CRIP2: variants seen among roughly 807,000 people sequenced by gnomAD.
CRIP2 encodes the protein cysteine rich protein 2.
In CRIP2, 31 loss-of-function variants were observed where a neutral mutation model predicts 31.3. The observed-to-expected ratio is 0.99, with a 90% CI of 0.74 to 1.34. CRIP2 has a LOEUF of 1.34. Among genes scored for constraint, CRIP2 ranks in the 40% most tolerant of loss-of-function variants. CRIP2 has a pLI of 0.00. For missense variants in CRIP2, 389 were observed against 301.6 expected, an observed-to-expected ratio of 1.29 and a Z score of -2.15; for synonymous variants, 177 against 127.2, an observed-to-expected ratio of 1.39 and a Z score of -2.63.
In CRIP2 at chr14:105,478,641, C is replaced by A; in HGVS notation, c.197-90C>A. The A allele has an allele frequency of 1.4e-6, 2 of 1,475,650 alleles. No homozygotes were observed. The highest frequency in any genetic ancestry group is 1.8e-6 in the Non-Finnish European group (2 of 1,109,642). 91.4% of individuals were successfully genotyped at this position (1,475,650 alleles called of 1,614,324 possible). On this transcript the variant is annotated intron_variant, in intron 3 of 7. Coordinates refer to ENST00000329146, the MANE Select transcript of CRIP2 (RefSeq NM_001312.4). The surrounding 1 kb of genome is among the most constrained non-coding windows in gnomAD (Gnocchi z 4.9). ...CCTGCCACCCTGGAAAGCCTAGTGCCCCCCAGTCCCCAGCGGGCCGTTTTC... is the reference window on the plus strand; with the variant it reads ...CCTGCCACCCTGGAAAGCCTAGTGCACCCCAGTCCCCAGCGGGCCGTTTTC...
intron 1 of CRIP2, chr14:105,476,217 C>T (rs1029478709): frequency 1.0e-6 from 1 of 985,510 alleles, no homozygotes; most frequent in Non-Finnish European, 1.2e-6. Context: ...GCCAGGCCAG[C>T]CTGGGGCTCT....
At chr14:105,477,334 C>T in intron 1 of CRIP2, 2 of 985,534 alleles carry the variant, frequency 2.0e-6, no homozygotes, top group African/African-American at 1.7e-5. Context: ...ATGCCAGTGG[C>T]AGCCAGGGGC....
At chr14:105,479,312 G>A in intron 6 of CRIP2, 93 bp downstream of exon 6, 1 of 1,522,164 alleles carries the variant, frequency 6.6e-7, no homozygotes, top group Non-Finnish European at 8.9e-7. Flanking sequence ...ATGGGGGGTG[G>A]TGCTTCTGGG....
At chr14:105,473,759 G>A (rs1555435216), upstream of CRIP2, among the ~76,000 whole-genome samples, 1 of 152,174 alleles carries the variant, frequency 6.6e-6, no homozygotes, top group Non-Finnish European at 1.5e-5. Context: ...ACTGTGGTGA[G>A]GCGTGGTCAG....
chr14:105,475,997 ATT>A, intron 1 of CRIP2: 1 of 985,320 alleles, frequency 1.0e-6, no homozygotes. Context: ...GGGAGGTTGT[ATT>A]TTGCCCGTCC....
At position 105,478,446 on chromosome 14, in the gene CRIP2, G is replaced by A. The variant is rs782075822; in HGVS notation, c.139-4G>A. ...AGGGTCCTGACCCGCGCCCCTCTGC[G>A]CAGCATGACGGGAAGCCGTTCTGCC... is the stretch of plus-strand genomic sequence containing the variant. On this transcript the variant is annotated splice_polypyrimidine_tract_variant and splice_region_variant and intron_variant, in intron 2 of 7. Coordinates refer to ENST00000329146, the MANE Select transcript of CRIP2 (RefSeq NM_001312.4). The surrounding 1 kb of genome is among the most constrained non-coding windows in gnomAD (Gnocchi z 4.9). The A allele has an allele frequency of 6.2e-7, 1 of 1,603,608 alleles. No homozygotes were observed. The highest frequency in any genetic ancestry group is 8.5e-7 in the Non-Finnish European group (1 of 1,178,178).
At position 105,479,574 on chromosome 14, in the gene CRIP2, C is replaced by T. The variant is rs1373481092; in HGVS notation, c.560-12C>T. The stretch of plus-strand genomic sequence containing the variant: ...TGTTCCCCCGACCCACCCCAGCGGC[C>T]TCCCTCCACAGGAGTGAACACCGGT... On this transcript the variant is annotated splice_polypyrimidine_tract_variant and intron_variant, in intron 7 of 7. Transcript: ENST00000329146. 2.5e-6 allele frequency: 4 copies of T among 1,612,710 alleles called. No individual in the cohort carries two copies. In the African/African-American group the frequency reaches 4.0e-5, roughly 16 times the overall value.
chr14:105,476,065 G>A, intron 1 of CRIP2: 2 of 985,634 alleles, frequency 2.0e-6, no homozygotes, highest in Non-Finnish European at 2.4e-6. Context: ...TGGGAGCCGA[G>A]GGGCTTCCGG....
At chr14:105,477,438 T>A (rs1555436032) in intron 1 of CRIP2, 1 of 985,054 alleles carries the variant, frequency 1.0e-6, no homozygotes, top group African/African-American at 1.8e-5. Context: ...GGGCCTGGCC[T>A]TCCCATGAGG....
chr14:105,475,876 GGCC>G (rs1219667276), intron 1 of CRIP2: 2 of 985,406 alleles, frequency 2.0e-6, no homozygotes, highest in African/African-American at 3.5e-5. Context: ...CAGAGAGGAG[GGCC>G]GGGACCAACA....
At chr14:105,474,584 G>T (rs2083892222), upstream of CRIP2, 1 of 158,338 alleles carries the variant, frequency 6.3e-6, no homozygotes. The surrounding 1 kb of genome is among the most constrained non-coding windows in gnomAD (Gnocchi z 5.1). Flanking sequence ...GCGGCGCCGC[G>T]GTCGCCCGGG....
chr14:105,477,253 T>C, intron 1 of CRIP2: 4 of 984,648 alleles, frequency 4.1e-6, no homozygotes, highest in Non-Finnish European at 4.8e-6. Context: ...AGCAGTCCAG[T>C]AGCCCCAGTG....
chr14:105,477,290 T>C, intron 1 of CRIP2: 2 of 985,264 alleles, frequency 2.0e-6, no homozygotes, highest in Non-Finnish European at 2.4e-6. Context: ...TGGCAGAGGG[T>C]CCCGGACCCT....
chr14:105,477,306 G>A, intron 1 of CRIP2: 9 of 985,528 alleles, frequency 9.1e-6, no homozygotes, highest in Non-Finnish European at 1.1e-5. Flanking sequence ...ACCCTCAGCA[G>A]CTGCCCTCAG....
rs1555436281 is a variant in CRIP2 at position 105,478,053 on chromosome 14, C to G, written c.44-213C>G. 6.6e-6 allele frequency among the ~76,000 whole-genome samples: 1 copy of G among 151,638 alleles called. No individual in the cohort carries two copies. The highest frequency in any genetic ancestry group is 1.5e-5 in the Non-Finnish European group (1 of 67,836). On this transcript the variant is annotated intron_variant, in intron 1 of 7. Transcript: ENST00000329146. The surrounding 1 kb of genome is among the most constrained non-coding windows in gnomAD (Gnocchi z 4.9). Reference sequence around the variant, plus strand: ...TAGCGGGGTTCCAGGGCTGGGGGCGCTGAGACCCAGAGGGAGAACAGGGCC... The same window carrying G: ...TAGCGGGGTTCCAGGGCTGGGGGCGGTGAGACCCAGAGGGAGAACAGGGCC...
At chr14:105,473,414 G>T, upstream of CRIP2, 1 of 1,535,760 alleles carries the variant, frequency 6.5e-7, no homozygotes, top group Non-Finnish European at 8.7e-7. Flanking sequence ...GGAGGGTGCT[G>T]CCACAGAGAG....
At chr14:105,477,647 A>T in intron 1 of CRIP2, 1 of 749,698 alleles carries the variant, frequency 1.3e-6, no homozygotes, top group Non-Finnish European at 1.5e-6. Context: ...CAGGTGGGGG[A>T]GATGCATATG....
In CRIP2 at chr14:105,478,890, G is replaced by A. The variant is rs1482050329; in HGVS notation, c.337+19G>A. On this transcript the variant is annotated intron_variant, in intron 4 of 7. Coordinates refer to ENST00000329146, the MANE Select transcript of CRIP2 (RefSeq NM_001312.4). This position sits in a 1 kb window ranked among gnomAD's most constrained non-coding sequence, Gnocchi z 4.9. ...AGCAGAGGTGGGCTGGGCGCGGGCT[G>A]GGGCTGGGGGTTGTGGGCACGCGCG... The A allele has an allele frequency of 2.1e-6, 3 of 1,453,172 alleles. No homozygotes were observed. Among genetic ancestry groups the A allele is most frequent in the African/African-American group, 1.5e-5 (1 of 67,860 alleles). 90.0% of individuals were successfully genotyped at this position (1,453,172 alleles called of 1,614,324 possible). A position where few individuals can be genotyped will look rare whatever the true frequency, so the allele number is the denominator to read the frequency against.
At chr14:105,477,063 C>T (rs1049185328) in intron 1 of CRIP2, 1 of 187,462 alleles carries the variant, frequency 5.3e-6, no homozygotes, top group South Asian at 1.8e-4. Flanking sequence ...TCCTCGGCCA[C>T]CTGAGGGGCT....
Sources: gnomAD v4.1 joint callset for allele counts (sites outside exome capture counted in the v4.1 genomes callset) on GRCh38, gnomAD v4.1.1 for gene constraint, Gnocchi (gnomAD v3.1) non-coding constraint, MANE v1.5 for transcripts, NCBI Gene and HGNC (gene_info 2026-07-23, HGNC 2026-07-21) for gene names.